The following WWOX variants were observed in gnomAD, a reference collection of about 807,000 sequenced individuals.
WWOX encodes the protein WW domain-containing oxidoreductase.
In WWOX, 69 loss-of-function variants were observed where a neutral mutation model predicts 46.2. The ratio of observed to expected loss-of-function variants is 1.49; its 90% CI spans 1.23 to 1.82. WWOX has a LOEUF of 1.82. WWOX is among the 40% of genes most tolerant of loss of function. The pLI is 0.00. For missense variants in WWOX, 919 were observed against 542.6 expected, an observed-to-expected ratio of 1.69 and a Z score of -6.89; for synonymous variants, 359 against 202.6, an observed-to-expected ratio of 1.77 and a Z score of -6.56.
chr16:78,441,959 A>AGTGTGTGTGTGTGT (rs145693201), intron 8 of WWOX, among the ~76,000 whole-genome samples: 1 of 139,692 alleles, frequency 7.2e-6, no homozygotes, highest in African/African-American at 2.6e-5. Flanking sequence ...TATGCGCATG[A>AGTGTGTGTGTGTGT]GTGTGTGTGT....
At chr16:78,304,458 A>G (rs1387355699) in intron 5 of WWOX, among the ~76,000 whole-genome samples, 1 of 152,176 alleles carries the variant, frequency 6.6e-6, no homozygotes, top group East Asian at 1.9e-4. Flanking sequence ...TCCTTTCAGA[A>G]ATAGTCTCTG....
intron 6 of WWOX, among the ~76,000 whole-genome samples, chr16:78,410,440 T>C (rs1188647729): frequency 6.6e-6 from 1 of 152,088 alleles, no homozygotes; most frequent in African/African-American, 2.4e-5. Context: ...CCAGTTACTA[T>C]TTTTGTGACT....
intron 8 of WWOX, among the ~76,000 whole-genome samples, chr16:78,858,472 TA>T (rs563094271): frequency 2.3e-4 from 35 of 151,106 alleles, no homozygotes; most frequent in African/African-American, 6.6e-4. Context: ...ATCATGTCTT[TA>T]AAAAAAAACT....
At chr16:78,917,346 A>G (rs1163504485) in intron 8 of WWOX, among the ~76,000 whole-genome samples, 1 of 152,152 alleles carries the variant, frequency 6.6e-6, no homozygotes. Flanking sequence ...CACTCAAATA[A>G]ACATCCTTTA....
chr16:78,612,509 A>T (rs982814523), intron 8 of WWOX, among the ~76,000 whole-genome samples: 1 of 152,188 alleles, frequency 6.6e-6, no homozygotes, highest in South Asian at 2.1e-4. Flanking sequence ...ACAGAGCTCA[A>T]TCTTTTGCCT....
At chr16:78,309,746 C>G (rs1271706139) in intron 5 of WWOX, among the ~76,000 whole-genome samples, 6 of 152,140 alleles carry the variant, frequency 3.9e-5, no homozygotes. Context: ...AACTGGAATG[C>G]TGTTAATAAG....
At chr16:78,186,251 T>G (rs1468139051) in intron 5 of WWOX, among the ~76,000 whole-genome samples, 1 of 152,112 alleles carries the variant, frequency 6.6e-6, no homozygotes, top group Non-Finnish European at 1.5e-5. Context: ...TTTTTTTTTT[T>G]TTGACACGGC....
At chr16:78,927,948 T>TA (rs1186308175) in intron 8 of WWOX, among the ~76,000 whole-genome samples, 3 of 152,044 alleles carry the variant, frequency 2.0e-5, no homozygotes, top group African/African-American at 7.2e-5. Context: ...GATTTGTGCT[T>TA]AAAACTGAAT....
intron 8 of WWOX, among the ~76,000 whole-genome samples, chr16:78,499,078 A>C (rs2084989579): frequency 6.6e-6 from 1 of 152,228 alleles, no homozygotes; most frequent in African/African-American, 2.4e-5. Flanking sequence ...TTGTTGAGTC[A>C]ATAATTAACT....
At position 79,212,343 on chromosome 16, in the gene WWOX, T is replaced by TGAC. The variant is rs1482645550; in HGVS notation, c.*548_*550dup. 1 of 650,840 alleles carries TGAC rather than the reference T, an allele frequency of 1.5e-6. No homozygotes were observed. Among genetic ancestry groups the TGAC allele is most frequent in the Non-Finnish European group, 2.5e-6 (1 of 398,718 alleles). 40.3% of individuals were successfully genotyped at this position (650,840 alleles called of 1,614,324 possible). The stretch of plus-strand genomic sequence containing the variant: ...AGAACCTTGTCCCAGCCAGTGAGGA[T>TGAC]GACAGTGACACCCAGAGGGAGTAGA... On this transcript the variant is annotated 3_prime_UTR_variant, in exon 9 of 9. Coordinates refer to ENST00000566780, the MANE Select transcript of WWOX (RefSeq NM_016373.4).
At position 78,481,122 on chromosome 16, in the gene WWOX, C is replaced by G. The variant is rs115553717; in HGVS notation, c.1056+48370C>G. Among the ~76,000 whole-genome samples, 718 of 152,308 alleles carry G rather than the reference C, an allele frequency of 4.7e-3. 5 individuals are homozygous for G. The highest frequency in any genetic ancestry group is 0.016 in the African/African-American group (679 of 41,574). ...TGCATGCATTATTTTTAAAGATGAA[C>G]ATTGCTTTAACCTATACCATTCCTG... On this transcript the variant is annotated intron_variant, in intron 8 of 8. Transcript: ENST00000566780.
chr16:78,601,924 C>T (rs547798552), intron 8 of WWOX, among the ~76,000 whole-genome samples: 2 of 152,190 alleles, frequency 1.3e-5, no homozygotes, highest in African/African-American at 2.4e-5. Context: ...GTTTTATTAG[C>T]GAAATCATCA....
At chr16:78,493,666 C>T (rs1441594831) in intron 8 of WWOX, among the ~76,000 whole-genome samples, 2 of 152,052 alleles carry the variant, frequency 1.3e-5, no homozygotes, top group Admixed American at 6.6e-5. Flanking sequence ...TGTATAGAAG[C>T]GTATAATCCA....
chr16:79,110,398 C>T (rs147855170), intron 8 of WWOX, among the ~76,000 whole-genome samples: 2,044 of 152,250 alleles, frequency 0.013, 31 homozygotes, highest in Non-Finnish European at 0.017. Context: ...GCTATAGAAA[C>T]CTTGAGCTCT....
intron 6 of WWOX, among the ~76,000 whole-genome samples, chr16:78,424,126 T>G (rs148526257): frequency 0.021 from 3,135 of 146,314 alleles, 115 homozygotes; most frequent in African/African-American, 0.072. Context: ...TTTTGTTTTT[T>G]TTTTTTTTGG....
intron 5 of WWOX, among the ~76,000 whole-genome samples, chr16:78,370,317 G>A (rs982644734): frequency 6.6e-6 from 1 of 152,010 alleles, no homozygotes; most frequent in African/African-American, 2.4e-5. Context: ...TGTTAAATGG[G>A]TAAATTCATA....
At chr16:78,292,915 G>C (rs1038368205) in intron 5 of WWOX, among the ~76,000 whole-genome samples, 4 of 152,174 alleles carry the variant, frequency 2.6e-5, no homozygotes, top group Non-Finnish European at 5.9e-5. Flanking sequence ...AAGGTATTCT[G>C]CCAGAGTGTG....
intron 8 of WWOX, among the ~76,000 whole-genome samples, chr16:78,584,807 C>T (rs1013927407): frequency 3.3e-5 from 5 of 152,190 alleles, no homozygotes; most frequent in African/African-American, 4.8e-5. Flanking sequence ...ATCACTTGGC[C>T]GTGTGCACGT....
intron 8 of WWOX, among the ~76,000 whole-genome samples, chr16:79,034,003 C>T (rs550939450): frequency 3.3e-5 from 5 of 152,278 alleles, no homozygotes; most frequent in East Asian, 1.9e-4. Flanking sequence ...TGATTCATTC[C>T]TGGGGAAAGT....
Sources: gnomAD v4.1 joint callset for allele counts (sites outside exome capture counted in the v4.1 genomes callset) on GRCh38, gnomAD v4.1.1 for gene constraint, MANE v1.5 for transcripts, NCBI Gene and HGNC (gene_info 2026-07-23, HGNC 2026-07-21) for gene names.